SELENOS: variants seen among roughly 807,000 people sequenced by gnomAD.
SELENOS encodes selenoprotein S, also known as VCP interacting membrane selenoprotein.
In SELENOS, 37 loss-of-function variants were observed where a neutral mutation model predicts 30.2. The ratio of observed to expected loss-of-function variants is 1.23; its 90% CI spans 0.94 to 1.61. The LOEUF is 1.61. Among genes scored for constraint, SELENOS ranks in the 40% most tolerant of loss-of-function variants. The pLI is 0.00. For synonymous variants in SELENOS, 119 were observed against 91.6 expected, an observed-to-expected ratio of 1.30 and a Z score of -1.71; for missense variants, 289 against 231.8, an observed-to-expected ratio of 1.25 and a Z score of -1.60.
chr15:101,275,901 C>G (rs2039320380), intron 2 of SELENOS, among the ~76,000 whole-genome samples: 1 of 148,988 alleles, frequency 6.7e-6, no homozygotes. Context: ...TGCAACAAGG[C>G]TAGACTCCAT....
chr15:101,273,804 G>A (rs749269616), intron 5 of SELENOS, among the ~76,000 whole-genome samples: 12 of 152,154 alleles, frequency 7.9e-5, no homozygotes, highest in South Asian at 2.1e-4. Context: ...GGGCCTCTGC[G>A]GTGCCCCTCT....
chr15:101,275,993 C>T (rs552391462), intron 2 of SELENOS, among the ~76,000 whole-genome samples: 1 of 149,870 alleles, frequency 6.7e-6, no homozygotes, highest in Non-Finnish European at 1.5e-5. Flanking sequence ...ACAATCTCAG[C>T]TCACTGCAAT....
At position 101,274,351 on chromosome 15, in the gene SELENOS, GT is replaced by G; in HGVS notation, c.484+68del. On this transcript the variant is annotated intron_variant, in intron 5 of 5. Coordinates refer to ENST00000526049, the MANE Select transcript of SELENOS (RefSeq NM_018445.6). Reference sequence around the variant, plus strand: ...TATGGACAAAGAAACAAACAATCTTGTTCCTAAAAGGTAACTATATCCTGTA... The same window carrying G: ...TATGGACAAAGAAACAAACAATCTTGTCCTAAAAGGTAACTATATCCTGTA... The G allele has an allele frequency of 5.4e-6, 8 of 1,484,334 alleles. No individual in the cohort carries two copies. The South Asian group carries it at 9.7e-5, about 18-fold the overall frequency. The allele number at this position is 1,484,334 out of a possible 1,614,324, so 91.9% of individuals were successfully genotyped here. A position where few individuals can be genotyped will look rare whatever the true frequency, so the allele number is the denominator to read the frequency against.
intron 3 of SELENOS, 62 bp from the exon 4 acceptor site, chr15:101,274,743 GCTAA>G: frequency 3.4e-6 from 5 of 1,465,110 alleles, no homozygotes; most frequent in Non-Finnish European, 4.6e-6. Context: ...CAAAGACAAA[GCTAA>G]CTCTGATAAT....
intron 3 of SELENOS, chr15:101,274,948 A>G: frequency 1.7e-6 from 1 of 577,148 alleles, no homozygotes. Context: ...CTGTCAGGAC[A>G]TTTTTGGTAA....
intron 5 of SELENOS, 130 bp from the exon 6 acceptor site, chr15:101,272,986 TA>T (rs1567118433): frequency 6.9e-6 from 5 of 721,516 alleles, no homozygotes; most frequent in Admixed American, 3.3e-5. Flanking sequence ...AAGGGACATT[TA>T]AAAAAACCTT....
intron 5 of SELENOS, 113 bp downstream of exon 5, chr15:101,274,307 T>C (rs1487632606): frequency 8.1e-7 from 1 of 1,237,860 alleles, no homozygotes; most frequent in Non-Finnish European, 1.2e-6. Context: ...TTCACAATCC[T>C]AAGGAATTAG....
At position 101,272,809 on chromosome 15, in the gene SELENOS, G is replaced by A; in HGVS notation, c.532C>T (p.Pro178Ser). The A allele has an allele frequency of 6.2e-7, 1 of 1,610,666 alleles. No individual in the cohort carries two copies. Among genetic ancestry groups the A allele is most frequent in the Non-Finnish European group, 8.5e-7 (1 of 1,178,568 alleles). The change falls in exon 6 of 6, where the codon CCT becomes TCT. Residue 178 changes from proline to serine, a missense_variant. Physicochemically the swap from Pro to Ser is moderately conservative, Grantham distance 74 (BLOSUM62 -1). Coordinates refer to ENST00000526049, the MANE Select transcript of SELENOS (RefSeq NM_018445.6). ...GEGGGACSWR[P>S]GRRGPSSGGU... ...CCAGATGACGGGCCTCTGCGTCCAG[G>A]TCTCCAGGAGCAAGCTCCGCCTCCT...
At chr15:101,275,190 G>A (rs2039310154) in intron 3 of SELENOS, 65 bp downstream of exon 3, 1 of 1,363,790 alleles carries the variant, frequency 7.3e-7, no homozygotes, top group Non-Finnish European at 9.9e-7. Context: ...ACAGACACAG[G>A]CATCGTTAGC....
At chr15:101,273,031 T>C (rs118163670) in intron 5 of SELENOS, among the ~76,000 whole-genome samples, 175 bp from the exon 6 acceptor site, 6 of 152,112 alleles carry the variant, frequency 3.9e-5, no homozygotes, top group Non-Finnish European at 2.9e-5. Context: ...ACCTTTATAT[T>C]GTGATTGCCA....
Position 101,275,247 on chromosome 15 carries a change from G to C in SELENOS, c.318+8C>G. 1.9e-6 allele frequency: 3 copies of C among 1,540,124 alleles called. No homozygotes were observed. Among genetic ancestry groups the C allele is most frequent in the Non-Finnish European group, 1.7e-6 (2 of 1,143,848 alleles). On this transcript the variant is annotated splice_region_variant and intron_variant, in intron 3 of 5. Coordinates refer to ENST00000526049, the MANE Select transcript of SELENOS (RefSeq NM_018445.6). ...TATGCACACATTCAAACTGAAACCAGTTCATACTTGTTTCAGTTTTTCCTT... is the reference window on the plus strand; with the variant it reads ...TATGCACACATTCAAACTGAAACCACTTCATACTTGTTTCAGTTTTTCCTT...
chr15:101,275,228 C>A, intron 3 of SELENOS, 27 bp downstream of exon 3: 1 of 1,514,274 alleles, frequency 6.6e-7, no homozygotes, highest in Admixed American at 2.3e-5. Flanking sequence ...TTTCTATGCA[C>A]ACATTCAAAC....
At chr15:101,276,842 G>A in intron 1 of SELENOS, 167 bp from the exon 2 acceptor site, 1 of 743,986 alleles carries the variant, frequency 1.3e-6, no homozygotes, top group Non-Finnish European at 2.1e-6. Context: ...CAAGAAGTGC[G>A]ACAATTCAGG....
rs1567119531 is a variant in SELENOS at position 101,275,373 on chromosome 15, G to A, written c.212-12C>T. The A allele has an allele frequency of 1.0e-5, 16 of 1,538,122 alleles. No individual in the cohort carries two copies. The highest frequency in any genetic ancestry group is 8.9e-5 in the Admixed American group (4 of 44,866). ...AACAACATCAGGTTCTAAAATGTCA[G>A]AAAAAAATGGAGATAAAGCACTGTG... is the stretch of plus-strand genomic sequence containing the variant. On this transcript the variant is annotated splice_polypyrimidine_tract_variant and intron_variant, in intron 2 of 5. Coordinates refer to ENST00000526049, the MANE Select transcript of SELENOS (RefSeq NM_018445.6).
chr15:101,275,059 C>T lies in SELENOS; in HGVS notation c.318+196G>A. ...GACCTTTCATGGTAATATATTCACA[C>T]ATCTAGTGTTCCCTAACAATCGTGT... On this transcript the variant is annotated intron_variant, in intron 3 of 5. Transcript: ENST00000526049. 5.1e-6 allele frequency: 3 copies of T among 584,324 alleles called. No homozygotes were observed. In the South Asian group the frequency reaches 6.9e-5, roughly 13 times the overall value. 36.2% of individuals were successfully genotyped at this position (584,324 alleles called of 1,614,324 possible). A position where few individuals can be genotyped will look rare whatever the true frequency, so the allele number is the denominator to read the frequency against.
intron 1 of SELENOS, chr15:101,276,936 G>A (rs2141299417): frequency 1.9e-6 from 1 of 529,146 alleles, no homozygotes; most frequent in Admixed American, 3.3e-5. Flanking sequence ...GGGTTTTGAA[G>A]AATGAAGAGC....
intron 2 of SELENOS, 107 bp downstream of exon 2, chr15:101,276,434 G>A: frequency 3.1e-6 from 4 of 1,284,202 alleles, no homozygotes; most frequent in Non-Finnish European, 3.1e-6. Context: ...TTTTTAAATA[G>A]AGACAGGGTC....
rs1193350184 is a variant in SELENOS, at chr15:101,272,570, G to C, written c.*201C>G. 1 of 535,174 alleles carries C rather than the reference G, an allele frequency of 1.9e-6. No homozygotes were observed. The highest frequency in any genetic ancestry group is 1.9e-5 in the African/African-American group (1 of 52,466). The allele number at this position is 535,174 out of a possible 1,614,324, so 33.2% of individuals were successfully genotyped here. ...TGAATGCAATCACTGTCTCCAAGTA[G>C]AATGTGACCAATGACCTCATGCCTA... On this transcript the variant is annotated 3_prime_UTR_variant, in exon 6 of 6. Coordinates refer to ENST00000526049, the MANE Select transcript of SELENOS (RefSeq NM_018445.6).
At chr15:101,273,524 C>T (rs1238243911) in intron 5 of SELENOS, among the ~76,000 whole-genome samples, 2 of 152,210 alleles carry the variant, frequency 1.3e-5, no homozygotes, top group Non-Finnish European at 2.9e-5. Flanking sequence ...TGAAAGAGGC[C>T]GTGCAGGCAA....
Sources: gnomAD v4.1 joint callset for allele counts (sites outside exome capture counted in the v4.1 genomes callset) on GRCh38, gnomAD v4.1.1 for gene constraint, MANE v1.5 for transcripts, NCBI Gene and HGNC (gene_info 2026-07-23, HGNC 2026-07-21) for gene names.